Variants in DAG1 observed in about 807,000 individuals in gnomAD.
The protein encoded by DAG1 is dystroglycan 1 (dystrophin-associated glycoprotein 1).
A neutral mutation model predicts 46.1 loss-of-function variants in DAG1; 8 were observed. The observed-to-expected ratio is 0.17, with a 90% CI of 0.10 to 0.31. The LOEUF (loss-of-function observed/expected upper bound fraction) is 0.31, where lower values mean the gene tolerates loss of function less well. Ranked by LOEUF, DAG1 falls within the 10% of genes least tolerant of loss-of-function variation. The pLI is 1.00. For synonymous variants in DAG1, 495 were observed against 481.8 expected (o/e 1.03, Z -0.36); for missense variants, 1,003 against 1,189.9 (o/e 0.84, Z 2.31).
chr3:49,511,298 C>T (rs979579198), intron 2 of DAG1, among the ~76,000 whole-genome samples: 1 of 152,144 alleles, frequency 6.6e-6, no homozygotes, highest in African/African-American at 2.4e-5. Flanking sequence ...TTCAGCCTTG[C>T]CCCATATCCT....
At chr3:49,477,752 A>T (rs1382458749) in intron 1 of DAG1, among the ~76,000 whole-genome samples, 1 of 152,086 alleles carries the variant, frequency 6.6e-6, no homozygotes, top group Non-Finnish European at 1.5e-5. Flanking sequence ...AACTGAGGTC[A>T]GGAGTCTGAG....
Position 49,531,729 on chromosome 3 carries a change from C to A in DAG1, c.1218C>A (p.Thr406=), listed in dbSNP as rs1290739352. 1 of 1,614,100 alleles carries A rather than the reference C, an allele frequency of 6.2e-7. No individual in the cohort carries two copies. Among genetic ancestry groups the A allele is most frequent in the Middle Eastern group, 1.6e-4 (1 of 6,062 alleles). ...CTGGCCAGATTCGCCCAACGATGAC[C>A]ATTCCTGGCTATGTGGAGCCTACTG... The part of the protein sequence containing the change: ...TVPGQIRPTM[T]IPGYVEPTAV... The change falls in exon 3 of 3, where the codon ACC becomes ACA. Residue 406 remains threonine (T), a synonymous_variant. Transcript: ENST00000308775. The surrounding 1 kb of genome is among the most constrained non-coding windows in gnomAD (Gnocchi z 7.0).
intron 1 of DAG1, among the ~76,000 whole-genome samples, chr3:49,475,544 A>G (rs937854041): frequency 1.3e-5 from 2 of 151,472 alleles, no homozygotes; most frequent in Non-Finnish European, 2.9e-5. Context: ...AGCTGGGATT[A>G]CAGGTATGAG....
intron 1 of DAG1, chr3:49,487,565 C>T (rs2050068741): frequency 6.6e-6 from 1 of 152,196 alleles, no homozygotes; most frequent in African/African-American, 2.4e-5. Flanking sequence ...TACCCCTGAG[C>T]CCTGAGTTCT....
At position 49,533,172 on chromosome 3, in the gene DAG1, G is replaced by T. The variant is rs1575414764; in HGVS notation, c.2661G>T (p.Arg887=). 3 of 1,613,768 alleles carry T rather than the reference G, an allele frequency of 1.9e-6. No homozygotes were observed. The highest frequency in any genetic ancestry group is 2.5e-6 in the Non-Finnish European group (3 of 1,180,004). ...GSRPKNMTPY[R]SPPPYVPP ...GTCCCAAGAACATGACCCCATACCG[G>T]TCACCTCCTCCCTATGTCCCACCTT... The change falls in exon 3 of 3, where the codon CGG becomes CGT. Residue 887 remains arginine, a synonymous_variant. Transcript: ENST00000308775.
intron 1 of DAG1, among the ~76,000 whole-genome samples, chr3:49,480,206 C>A (rs1205350379): frequency 6.6e-6 from 1 of 150,920 alleles, no homozygotes; most frequent in East Asian, 1.9e-4. Context: ...CCTGCCTTGG[C>A]CCCCCAAAGT....
intron 2 of DAG1, among the ~76,000 whole-genome samples, chr3:49,529,889 C>A (rs1226004427): frequency 6.6e-6 from 1 of 152,142 alleles, no homozygotes; most frequent in African/African-American, 2.4e-5. Context: ...CCAGTTATAT[C>A]TCTGTGGAAA....
At chr3:49,474,126 C>T (rs1006085586) in intron 1 of DAG1, among the ~76,000 whole-genome samples, 3 of 152,262 alleles carry the variant, frequency 2.0e-5, no homozygotes, top group South Asian at 4.1e-4. Context: ...ATGATCTCGG[C>T]TCACTGCAAC....
At chr3:49,528,052 C>G (rs900422813) in intron 2 of DAG1, among the ~76,000 whole-genome samples, 4 of 152,120 alleles carry the variant, frequency 2.6e-5, no homozygotes, top group Non-Finnish European at 5.9e-5. Context: ...TTCACCTACT[C>G]TCCACCTCTC....
At position 49,510,430 on chromosome 3, in the gene DAG1, T is replaced by G; in HGVS notation, c.-105T>G. The G allele has an allele frequency of 9.0e-7, 1 of 1,113,654 alleles. No homozygotes were observed. Among genetic ancestry groups the G allele is most frequent in the Admixed American group, 1.7e-5 (1 of 59,264 alleles). The allele number at this position is 1,113,654 out of a possible 1,614,324, so 69.0% of individuals were successfully genotyped here. A position where few individuals can be genotyped will look rare whatever the true frequency, so the allele number is the denominator to read the frequency against. ...TCTTTTTTTTTCAGGCTCTGTGTGC[T>G]CCGGGATGGAGCAGGTGTGCAGAGG... On this transcript the variant is annotated 5_prime_UTR_variant, in exon 2 of 3. Transcript: ENST00000308775.
In DAG1 at chr3:49,516,646, T is replaced by C. The variant is rs181423685; in HGVS notation, c.285+5827T>C. Among the ~76,000 whole-genome samples the C allele has an allele frequency of 2.6e-5, 4 of 152,370 alleles. No individual in the cohort carries two copies. The East Asian group carries it at 7.7e-4, about 29-fold the overall frequency. On this transcript the variant is annotated intron_variant, in intron 2 of 2. Coordinates refer to ENST00000308775, the MANE Select transcript of DAG1 (RefSeq NM_004393.6). The stretch of plus-strand genomic sequence containing the variant: ...TTCAAATTGTCCCAGATTTGACCAT[T>C]GGGAGCCCCTTTAAGTTGGTTCCTG...
At chr3:49,482,390 G>C (rs1038925346) in intron 1 of DAG1, among the ~76,000 whole-genome samples, 3 of 152,138 alleles carry the variant, frequency 2.0e-5, no homozygotes, top group African/African-American at 7.2e-5. Context: ...ATAGAGGAAG[G>C]CCACTGTCTC....
Position 49,533,023 on chromosome 3 carries a change from G to A in DAG1, c.2512G>A (p.Glu838Lys), listed in dbSNP as rs745846165. Residue 838 changes from glutamate (E) to lysine (K), a missense_variant, in exon 3 of 3, where the codon GAG becomes AAG. By Grantham distance (56) the Glu-to-Lys change is moderately conservative. Around this residue, in one of 3 missense-constraint regions of DAG1, gnomAD observed 755 missense variants for 854.1 expected, o/e 0.88. Transcript: ENST00000308775. ...PPEYPNQSVP[E>K]TTPLNQDTMG... ...TGAGTACCCCAACCAGAGTGTGCCC[G>A]AGACCACTCCTCTGAACCAGGACAC... 3.7e-6 allele frequency: 6 copies of A among 1,613,902 alleles called. No individual in the cohort carries two copies. Among genetic ancestry groups the A allele is most frequent in the South Asian group, 3.3e-5 (3 of 91,076 alleles).
chr3:49,484,371 C>A (rs578238104), intron 1 of DAG1, among the ~76,000 whole-genome samples: 1 of 151,938 alleles, frequency 6.6e-6, no homozygotes, highest in Non-Finnish European at 1.5e-5. Context: ...TGTGGGGACC[C>A]CTGTCTCTTC....
In DAG1 at chr3:49,511,057, G is replaced by A. The variant is rs563902765; in HGVS notation, c.285+238G>A. On this transcript the variant is annotated intron_variant, in intron 2 of 2. Transcript: ENST00000308775. ...ATCACCATGTAATAGCCTTTACTCT[G>A]GAAGTTCTACTGAACACTGATTTAG... The A allele has an allele frequency of 2.4e-5, 20 of 827,370 alleles. No individual in the cohort carries two copies. In the South Asian group the frequency reaches 1.1e-3, roughly 44 times the overall value. 51.3% of individuals were successfully genotyped at this position (827,370 alleles called of 1,614,324 possible). A position where few individuals can be genotyped will look rare whatever the true frequency, so the allele number is the denominator to read the frequency against.
intron 1 of DAG1, among the ~76,000 whole-genome samples, chr3:49,476,547 A>C (rs1483933197): frequency 6.6e-6 from 1 of 152,024 alleles, no homozygotes; most frequent in Non-Finnish European, 1.5e-5. Context: ...GCCAAGTTTG[A>C]GGTTTTGCAG....
At position 49,532,192 on chromosome 3, in the gene DAG1, A is replaced by T; in HGVS notation, c.1681A>T (p.Met561Leu). The T allele has an allele frequency of 6.2e-7, 1 of 1,613,556 alleles. No homozygotes were observed. The part of the protein sequence containing the change: ...WVQFNSNSQL[M>L]YGLPDSSHVG... The stretch of plus-strand genomic sequence containing the variant: ...ACAGTTCAACAGCAACAGCCAGCTC[A>T]TGTATGGCCTTCCCGACAGCAGCCA... Residue 561 changes from methionine (M) to leucine (L), a missense_variant, in exon 3 of 3, where the codon ATG (methionine) becomes TTG (leucine). Coordinates refer to ENST00000308775, the MANE Select transcript of DAG1 (RefSeq NM_004393.6). This position sits in a 1 kb window ranked among gnomAD's most constrained non-coding sequence, Gnocchi z 5.4.
intron 1 of DAG1, among the ~76,000 whole-genome samples, chr3:49,481,761 T>A (rs1466554839): frequency 6.6e-6 from 1 of 152,212 alleles, no homozygotes; most frequent in African/African-American, 2.4e-5. Flanking sequence ...CTTGATTCCC[T>A]GTTTTGGCAT....
Position 49,485,373 on chromosome 3 carries a change from C to G in DAG1, c.-117+14940C>G, listed in dbSNP as rs191075645. Among the ~76,000 whole-genome samples, 25 of 152,198 alleles carry G rather than the reference C, an allele frequency of 1.6e-4. No individual in the cohort carries two copies. In the East Asian group the frequency reaches 2.5e-3, roughly 15 times the overall value. On this transcript the variant is annotated intron_variant, in intron 1 of 2. Coordinates refer to ENST00000308775, the MANE Select transcript of DAG1 (RefSeq NM_004393.6). The stretch of plus-strand genomic sequence containing the variant: ...GACAAAAGGCCTTTGTTGTGTCTGG[C>G]CTTTATCTTTGTTGTAATGACCCTG...
Sources: allele counts gnomAD v4.1 joint callset (sites outside exome capture counted in the v4.1 genomes callset), GRCh38; gene constraint gnomAD v4.1.1; regional missense constraint gnomAD v4.1.1; non-coding constraint Gnocchi (gnomAD v3.1); transcripts MANE v1.5; gene names NCBI Gene and HGNC (gene_info 2026-07-23, HGNC 2026-07-21).